The following GCNT2 variants were observed in gnomAD, a reference collection of about 807,000 sequenced individuals.
GCNT2 encodes the protein N-acetyllactosaminide beta-1,6-N-acetylglucosaminyl-transferase.
In GCNT2, 34 loss-of-function variants were observed where a neutral mutation model predicts 34.2. The ratio of observed to expected loss-of-function variants is 1.00; its 90% CI spans 0.76 to 1.32. The LOEUF (loss-of-function observed/expected upper bound fraction) is 1.32, where lower values mean the gene tolerates loss of function less well. Ranked by LOEUF, GCNT2 falls within the 40% of genes most tolerant of loss-of-function variation. GCNT2 has a pLI of 0.00. For missense variants in GCNT2, 584 were observed against 489.4 expected (o/e 1.19, Z -1.82); for synonymous variants, 212 against 188.0 (o/e 1.13, Z -1.04).
chr6:10,561,162 C>A (rs1451227701), intron 3 of GCNT2, among the ~76,000 whole-genome samples: 1 of 152,022 alleles, frequency 6.6e-6, no homozygotes, highest in Non-Finnish European at 1.5e-5. Flanking sequence ...TCAGAATTTT[C>A]TTTTCTTTTT....
chr6:10,552,619 G>A (rs781099938), intron 3 of GCNT2, among the ~76,000 whole-genome samples: 6 of 152,102 alleles, frequency 3.9e-5, no homozygotes, highest in African/African-American at 1.2e-4. Context: ...GCTGTGCATA[G>A]GTTATATGCA....
At chr6:10,561,650 G>A (rs1000542277) in intron 3 of GCNT2, among the ~76,000 whole-genome samples, 1 of 152,190 alleles carries the variant, frequency 6.6e-6, no homozygotes, top group East Asian at 1.9e-4. Flanking sequence ...AAGGAACAGA[G>A]CTACCCCACT....
intron 3 of GCNT2, among the ~76,000 whole-genome samples, chr6:10,543,077 T>A (rs1320867845): frequency 2.6e-5 from 4 of 151,500 alleles, no homozygotes; most frequent in African/African-American, 9.7e-5. Flanking sequence ...CCGGCTAATT[T>A]TTATATTTTT....
intron 3 of GCNT2, among the ~76,000 whole-genome samples, chr6:10,563,756 GAAA>G (rs55761102): frequency 0.012 from 675 of 55,552 alleles, 2 homozygotes; most frequent in South Asian, 0.024. Flanking sequence ...AAAGAAAAAA[GAAA>G]AAAAAAAAAA....
chr6:10,563,008 A>C (rs182006133), intron 3 of GCNT2, among the ~76,000 whole-genome samples: 29 of 152,218 alleles, frequency 1.9e-4, no homozygotes, highest in African/African-American at 6.7e-4. Context: ...AATATACAGA[A>C]TTAGTTGGGT....
Position 10,626,767 on chromosome 6 carries a change from C to T in GCNT2, c.*160C>T, listed in dbSNP as rs1309898496. 1.1e-5 allele frequency: 7 copies of T among 636,666 alleles called. No individual in the cohort carries two copies. The highest frequency in any genetic ancestry group is 2.0e-5 in the Non-Finnish European group (7 of 356,212). The allele number at this position is 636,666 out of a possible 1,614,324, so 39.4% of individuals were successfully genotyped here. On this transcript the variant is annotated 3_prime_UTR_variant, in exon 5 of 5. Transcript: ENST00000495262. ...TTATACTTAAAATATCCACTGGACA[C>T]TGTGAAATACACTAACAGGATGGCT...
At chr6:10,563,777 A>ATATAT (rs1338202375) in intron 3 of GCNT2, among the ~76,000 whole-genome samples, 20 of 24,716 alleles carry the variant, frequency 8.1e-4, no homozygotes, top group South Asian at 2.7e-3. Context: ...AAAAAAAAAA[A>ATATAT]ATATATATAT....
chr6:10,579,303 TTAAA>T (rs1433655269), intron 3 of GCNT2, among the ~76,000 whole-genome samples: 6 of 152,326 alleles, frequency 3.9e-5, no homozygotes, highest in East Asian at 1.9e-4. Context: ...ACCCACTATA[TTAAA>T]TAAATATATT....
chr6:10,569,105 C>A (rs909714241), intron 3 of GCNT2, among the ~76,000 whole-genome samples: 1 of 152,006 alleles, frequency 6.6e-6, no homozygotes, highest in Non-Finnish European at 1.5e-5. Context: ...ATTCAGTGGG[C>A]TGACAGGAAA....
At chr6:10,526,735 A>G (rs375245017) in intron 1 of GCNT2, among the ~76,000 whole-genome samples, 1 of 152,146 alleles carries the variant, frequency 6.6e-6, no homozygotes, top group African/African-American at 2.4e-5. Context: ...AAGAATGTGT[A>G]TTTCCTATAG....
intron 3 of GCNT2, among the ~76,000 whole-genome samples, chr6:10,563,776 AAATATAT>A (rs1490322819): frequency 1.1e-4 from 4 of 36,740 alleles, no homozygotes; most frequent in African/African-American, 4.2e-4. Flanking sequence ...AAAAAAAAAA[AAATATAT>A]ATATATATAT....
At chr6:10,590,846 C>T (rs1209393800) in intron 3 of GCNT2, among the ~76,000 whole-genome samples, 1 of 152,194 alleles carries the variant, frequency 6.6e-6, no homozygotes, top group Non-Finnish European at 1.5e-5. Context: ...GCCACCGCGC[C>T]CGGCCTAATT....
chr6:10,576,967 C>T (rs191013915), intron 3 of GCNT2, among the ~76,000 whole-genome samples: 1 of 152,202 alleles, frequency 6.6e-6, no homozygotes, highest in East Asian at 1.9e-4. Context: ...GTAGTCTCAG[C>T]TACAGGAGGC....
At chr6:10,557,059 T>G (rs1762748855) in intron 3 of GCNT2, 1 of 1,608,532 alleles carries the variant, frequency 6.2e-7, no homozygotes, top group African/African-American at 1.3e-5. Flanking sequence ...AAGGTAAAAA[T>G]ATCACCCCAG....
intron 3 of GCNT2, among the ~76,000 whole-genome samples, chr6:10,600,922 G>A (rs138150712): frequency 3.9e-4 from 60 of 152,020 alleles, no homozygotes; most frequent in African/African-American, 1.4e-3. Context: ...TCTTGAGTAC[G>A]TGGGACTACA....
Position 10,617,743 on chromosome 6 carries a change from A to ATTTTTTT in GCNT2, c.926-3605_926-3604insTTTTTTT, listed in dbSNP as rs1254996839. On this transcript the variant is annotated intron_variant, in intron 3 of 4. Transcript: ENST00000495262. ...GCCACTGCACCTGGCCAGAGTCTGCATTTCTTCTTTTTTTTTTTTTTTTTT... is the reference window on the plus strand; with the variant it reads ...GCCACTGCACCTGGCCAGAGTCTGCATTTTTTTTTTCTTCTTTTTTTTTTTTTTTTTT... Among the ~76,000 whole-genome samples the ATTTTTTT allele has an allele frequency of 4.7e-3, 535 of 112,666 alleles. 9 individuals are homozygous for ATTTTTTT. Among genetic ancestry groups the ATTTTTTT allele is most frequent in the Middle Eastern group, 0.029 (6 of 210 alleles). The allele number at this position is 112,666 out of a possible 152,430, so 73.9% of individuals were successfully genotyped here. A position where few individuals can be genotyped will look rare whatever the true frequency, so the allele number is the denominator to read the frequency against.
intron 3 of GCNT2, chr6:10,556,766 A>G: frequency 6.2e-7 from 1 of 1,614,102 alleles, no homozygotes. Context: ...CTTCAGGGCT[A>G]TTTACATGCC....
intron 3 of GCNT2, among the ~76,000 whole-genome samples, chr6:10,591,746 C>A (rs1484399080): frequency 3.3e-5 from 5 of 152,168 alleles, no homozygotes; most frequent in Non-Finnish European, 7.3e-5. Context: ...GTAGACTTCT[C>A]CTGAATTGTT....
chr6:10,552,373 G>A (rs984828800), intron 3 of GCNT2, among the ~76,000 whole-genome samples: 9 of 152,004 alleles, frequency 5.9e-5, no homozygotes, highest in Middle Eastern at 3.4e-3. Context: ...TGTTTCCCCA[G>A]GTCCTGAATC....
Sources: allele counts gnomAD v4.1 joint callset (sites outside exome capture counted in the v4.1 genomes callset), GRCh38; gene constraint gnomAD v4.1.1; transcripts MANE v1.5; gene names NCBI Gene and HGNC (gene_info 2026-07-23, HGNC 2026-07-21).